The following NTRK2 variants were observed in gnomAD, a reference collection of about 807,000 sequenced individuals.
The protein encoded by NTRK2 is BDNF/NT-3 growth factors receptor.
Under a neutral mutation model 94.5 loss-of-function variants are expected in NTRK2, and 13 were observed. The ratio of observed to expected loss-of-function variants is 0.14; its 90% CI spans 0.09 to 0.22. The LOEUF (loss-of-function observed/expected upper bound fraction) is 0.22, where lower values mean the gene tolerates loss of function less well. Among genes scored for constraint, NTRK2 ranks in the 10% least tolerant of loss-of-function variants. The pLI is 1.00. For synonymous variants in NTRK2, 372 were observed against 407.4 expected (o/e 0.91, Z 1.05); for missense variants, 639 against 1,071.2 (o/e 0.60, Z 5.63).
intron 12 of NTRK2, among the ~76,000 whole-genome samples, chr9:84,833,197 A>G (rs888623678): frequency 6.6e-6 from 1 of 152,116 alleles, no homozygotes; most frequent in Non-Finnish European, 1.5e-5. Flanking sequence ...TCTGACAGCC[A>G]TTGTTCTGTG....
rs79753437 is a variant in NTRK2, at chr9:84,812,021, G to A, written c.1397-49019G>A. The A allele has an allele frequency of 6.6e-3, 6,905 of 1,050,402 alleles. 186 individuals carry two copies. The African/African-American group carries it at 0.071, about 11-fold the overall frequency. 65.1% of individuals were successfully genotyped at this position (1,050,402 alleles called of 1,614,324 possible). A position where few individuals can be genotyped will look rare whatever the true frequency, so the allele number is the denominator to read the frequency against. ...CTGACAGTTAGACATGCACACAGAC[G>A]CCATAGCTGGATTGGAAACATTGAT... is the stretch of plus-strand genomic sequence containing the variant. On this transcript the variant is annotated intron_variant, in intron 12 of 18. Coordinates refer to ENST00000277120, the MANE Select transcript of NTRK2 (RefSeq NM_006180.6).
Position 84,879,313 on chromosome 9 carries a change from G to A in NTRK2, c.1633+11882G>A, listed in dbSNP as rs141258463. ...ATGGATAAAATTTTTAAAAAATAAG[G>A]GAAATTCTTTAAAAAACCTATATTG... On this transcript the variant is annotated intron_variant, in intron 14 of 18. Transcript: ENST00000277120. 7.2e-4 allele frequency among the ~76,000 whole-genome samples: 109 copies of A among 152,084 alleles called. 2 individuals are homozygous for A. The East Asian group carries it at 0.016, about 22-fold the overall frequency.
chr9:84,998,877 GA>G (rs1414347717), intron 17 of NTRK2, among the ~76,000 whole-genome samples: 1 of 152,230 alleles, frequency 6.6e-6, no homozygotes, highest in Non-Finnish European at 1.5e-5. Context: ...TCATTCTAGT[GA>G]AGTACCAATG....
intron 12 of NTRK2, among the ~76,000 whole-genome samples, chr9:84,820,903 C>T (rs1423715451): frequency 6.6e-6 from 1 of 152,176 alleles, no homozygotes; most frequent in Non-Finnish European, 1.5e-5. Flanking sequence ...CAAGGGCACA[C>T]ACATCAGATT....
chr9:84,860,919 ATTTAT>A, intron 12 of NTRK2, 116 bp from the exon 13 acceptor site: 1 of 473,624 alleles, frequency 2.1e-6, no homozygotes, highest in East Asian at 4.1e-5. Context: ...TTATTTATTT[ATTTAT>A]TTATTTATTT....
intron 17 of NTRK2, among the ~76,000 whole-genome samples, chr9:85,008,703 T>C (rs935111534): frequency 1.3e-5 from 2 of 152,142 alleles, no homozygotes; most frequent in Non-Finnish European, 2.9e-5. Flanking sequence ...GAAGCCTGGG[T>C]CTTCACTGTA....
At chr9:84,776,922 C>A (rs996786633) in intron 12 of NTRK2, among the ~76,000 whole-genome samples, 3 of 152,186 alleles carry the variant, frequency 2.0e-5, no homozygotes, top group Non-Finnish European at 4.4e-5. Context: ...AAACAAAGGG[C>A]AGTCAGTACC....
intron 12 of NTRK2, among the ~76,000 whole-genome samples, chr9:84,755,968 A>G (rs1257613767): frequency 6.6e-6 from 1 of 151,830 alleles, no homozygotes; most frequent in African/African-American, 2.4e-5. Context: ...ACACTGTCCT[A>G]TTGCTTTTTT....
intron 17 of NTRK2, among the ~76,000 whole-genome samples, chr9:85,007,470 T>C (rs1490405): frequency 0.72 from 110,062 of 152,126 alleles, 40,369 homozygotes; most frequent in Middle Eastern, 0.8. Context: ...ACTGAAGAGT[T>C]TGCTATTGTA....
intron 12 of NTRK2, among the ~76,000 whole-genome samples, chr9:84,761,243 A>C (rs942074636): frequency 3.9e-5 from 6 of 152,124 alleles, no homozygotes; most frequent in African/African-American, 1.2e-4. Flanking sequence ...GGATTGAAGC[A>C]GAAGAGTCAT....
chr9:84,804,241 G>T (rs772549278), intron 12 of NTRK2, among the ~76,000 whole-genome samples: 6 of 151,970 alleles, frequency 3.9e-5, no homozygotes, highest in Non-Finnish European at 8.8e-5. Context: ...CTCTGAACAT[G>T]CTTGAGGGGT....
At chr9:84,959,149 TA>T (rs1824549471) in intron 17 of NTRK2, among the ~76,000 whole-genome samples, 1 of 152,194 alleles carries the variant, frequency 6.6e-6, no homozygotes, top group African/African-American at 2.4e-5. Flanking sequence ...TTTTTTTCAT[TA>T]TTTTATCCCT....
chr9:84,805,766 C>T (rs542344205), intron 12 of NTRK2, among the ~76,000 whole-genome samples: 4 of 152,268 alleles, frequency 2.6e-5, no homozygotes, highest in Admixed American at 6.5e-5. Context: ...TGGGTTCATT[C>T]ATGGCTCAGT....
intron 15 of NTRK2, among the ~76,000 whole-genome samples, chr9:84,940,318 A>G (rs554448082): frequency 6.6e-6 from 1 of 152,262 alleles, no homozygotes; most frequent in Admixed American, 6.5e-5. Flanking sequence ...CTGAAAGCTC[A>G]CTCAAGATCT....
At chr9:84,853,456 G>A (rs2074886620) in intron 12 of NTRK2, among the ~76,000 whole-genome samples, 2 of 152,178 alleles carry the variant, frequency 1.3e-5, no homozygotes, top group South Asian at 2.1e-4. Flanking sequence ...CTTCAGTCAT[G>A]TTCCATTGGA....
At chr9:84,708,584 T>C (rs2061248312) in intron 5 of NTRK2, among the ~76,000 whole-genome samples, 1 of 152,214 alleles carries the variant, frequency 6.6e-6, no homozygotes, top group Non-Finnish European at 1.5e-5. Context: ...TTGCTATTCT[T>C]ATGGTAAGGC....
rs773247447 is a variant in NTRK2 at position 84,707,877 on chromosome 9, T to A, written c.393T>A (p.Ser131=). 1.2e-6 allele frequency: 2 copies of A among 1,613,218 alleles called. No individual in the cohort carries two copies. The highest frequency in any genetic ancestry group is 3.3e-5 in the Admixed American group (2 of 60,028). The change falls in exon 5 of 19, where the codon TCT becomes TCA. Residue 131 remains serine, a synonymous_variant. Transcript: ENST00000277120. ...CCCGAAACAAACTGACGAGTTTGTC[T>A]AGGAAACATTTCCGTCACCTTGACT... ...NFTRNKLTSL[S]RKHFRHLDLS... is the part of the protein sequence containing the mutation.
At chr9:84,823,714 C>T (rs1034840738) in intron 12 of NTRK2, among the ~76,000 whole-genome samples, 3 of 152,078 alleles carry the variant, frequency 2.0e-5, no homozygotes, top group Non-Finnish European at 2.9e-5. Context: ...AGGGGAGATC[C>T]GGGTTTTTAT....
rs1308818144 is a variant in NTRK2 at position 84,721,427 on chromosome 9, C to T, written c.584-2146C>T. ...TCCTGACCTCGTGATCCACCCACCT[C>T]GGCCTCCCAAAGTGCTGGGATTACA... On this transcript the variant is annotated intron_variant, in intron 6 of 18. Coordinates refer to ENST00000277120, the MANE Select transcript of NTRK2 (RefSeq NM_006180.6). Among the ~76,000 whole-genome samples the T allele has an allele frequency of 3.3e-5, 5 of 152,180 alleles. No homozygotes were observed. The East Asian group carries it at 5.8e-4, about 18-fold the overall frequency.
Sources: gnomAD v4.1 joint callset for allele counts (sites outside exome capture counted in the v4.1 genomes callset) on GRCh38, gnomAD v4.1.1 for gene constraint, MANE v1.5 for transcripts, NCBI Gene and HGNC (gene_info 2026-07-23, HGNC 2026-07-21) for gene names.